OSBPL10: variants seen among roughly 807,000 people sequenced by gnomAD.
OSBPL10 encodes the protein oxysterol-binding protein-related protein 10.
A neutral mutation model predicts 81.7 loss-of-function variants in OSBPL10; 49 were observed. That is an observed-to-expected ratio of 0.60 (90% confidence interval 0.48 to 0.76). OSBPL10 has a LOEUF of 0.76. Among genes scored for constraint, OSBPL10 ranks in the 30% least tolerant of loss-of-function variants. The pLI is 0.00. For synonymous variants in OSBPL10, 419 were observed against 383.6 expected (o/e 1.09, Z -1.08); for missense variants, 923 against 987.8 (o/e 0.93, Z 0.88).
intron 4 of OSBPL10, among the ~76,000 whole-genome samples, chr3:31,773,861 T>C (rs1406905229): frequency 6.6e-6 from 1 of 152,188 alleles, no homozygotes; most frequent in East Asian, 1.9e-4. Context: ...TAATCTTTCA[T>C]ACATTACAAA....
intron 4 of OSBPL10, among the ~76,000 whole-genome samples, chr3:31,812,347 T>A (rs979188824): frequency 6.6e-6 from 1 of 152,220 alleles, no homozygotes. Context: ...CAGGTTATTA[T>A]AACAGATAAT....
At chr3:31,714,461 G>A (rs1696367938) in intron 6 of OSBPL10, among the ~76,000 whole-genome samples, 1 of 152,168 alleles carries the variant, frequency 6.6e-6, no homozygotes. Flanking sequence ...AGGCAGCGGG[G>A]TGGAGTGAGA....
At chr3:31,730,726 G>C (rs1255140250) in intron 6 of OSBPL10, among the ~76,000 whole-genome samples, 3 of 152,180 alleles carry the variant, frequency 2.0e-5, no homozygotes, top group Non-Finnish European at 4.4e-5. Context: ...AACAGACTAA[G>C]CTTCAAAATG....
chr3:31,887,967 G>A (rs1180460698), intron 1 of OSBPL10, among the ~76,000 whole-genome samples: 3 of 152,030 alleles, frequency 2.0e-5, no homozygotes, highest in African/African-American at 7.3e-5. Flanking sequence ...ACACACCCCA[G>A]GTGGTACTAA....
chr3:31,953,877 AGAG>A (rs1309984835), intron 1 of OSBPL10, among the ~76,000 whole-genome samples: 2 of 152,224 alleles, frequency 1.3e-5, no homozygotes, highest in Non-Finnish European at 2.9e-5. Flanking sequence ...GAGAAATGAA[AGAG>A]GAGGAGAGAA....
At chr3:31,702,247 C>T (rs1695917669) in intron 7 of OSBPL10, 112 bp downstream of exon 7, 1 of 1,298,602 alleles carries the variant, frequency 7.7e-7, no homozygotes, top group African/African-American at 1.5e-5. Flanking sequence ...CCTTTTTCCC[C>T]ACTCTTCTTC....
intron 2 of OSBPL10, chr3:31,989,858 G>C: frequency 6.2e-7 from 1 of 1,614,174 alleles, no homozygotes; most frequent in South Asian, 1.1e-5. Flanking sequence ...CAATATAAAT[G>C]TGATGTATGT....
chr3:32,041,154 G>A (rs1334205811), intron 2 of OSBPL10, among the ~76,000 whole-genome samples: 1 of 152,118 alleles, frequency 6.6e-6, no homozygotes, highest in African/African-American at 2.4e-5. Flanking sequence ...TAGAGACAGT[G>A]TCAAGAGAAA....
intron 6 of OSBPL10, among the ~76,000 whole-genome samples, chr3:31,716,780 C>T (rs1250304330): frequency 6.6e-6 from 1 of 152,180 alleles, no homozygotes; most frequent in Non-Finnish European, 1.5e-5. Flanking sequence ...CCAGAAATTT[C>T]ATTTGATGAC....
intron 1 of OSBPL10, among the ~76,000 whole-genome samples, chr3:31,958,761 G>A (rs1211032660): frequency 6.6e-6 from 1 of 152,130 alleles, no homozygotes; most frequent in Non-Finnish European, 1.5e-5. Flanking sequence ...ACAGGCCTTT[G>A]AGCCAAATCC....
At chr3:31,844,031 A>G (rs1393051367) in intron 3 of OSBPL10, among the ~76,000 whole-genome samples, 1 of 152,192 alleles carries the variant, frequency 6.6e-6, no homozygotes, top group South Asian at 2.1e-4. Context: ...TAGTACAAAG[A>G]TTGTTTTTCC....
At chr3:32,019,873 G>A (rs149056906) in intron 2 of OSBPL10, among the ~76,000 whole-genome samples, 1 of 152,234 alleles carries the variant, frequency 6.6e-6, no homozygotes, top group East Asian at 1.9e-4. Flanking sequence ...CTACTACACT[G>A]GAACATATAA....
intron 3 of OSBPL10, among the ~76,000 whole-genome samples, chr3:31,841,600 A>T (rs1477175958): frequency 7.9e-5 from 12 of 152,240 alleles, no homozygotes; most frequent in Admixed American, 3.9e-4. Context: ...GAAAAGCTGT[A>T]GTAGATGCTT....
chr3:31,811,000 C>A (rs375029649), intron 4 of OSBPL10, among the ~76,000 whole-genome samples: 1 of 152,108 alleles, frequency 6.6e-6, no homozygotes, highest in Non-Finnish European at 1.5e-5. Flanking sequence ...TTCCAGGTGT[C>A]GAGGAGGTCA....
chr3:31,845,620 C>T (rs1016031741), intron 3 of OSBPL10, among the ~76,000 whole-genome samples: 6 of 152,164 alleles, frequency 3.9e-5, no homozygotes, highest in Non-Finnish European at 8.8e-5. Context: ...CAGTAAGAAG[C>T]GGTTCTGTGT....
At chr3:31,996,359 C>T (rs535193236) in intron 2 of OSBPL10, among the ~76,000 whole-genome samples, 45 of 152,280 alleles carry the variant, frequency 3.0e-4, no homozygotes, top group African/African-American at 1.0e-3. Context: ...AAACTCTCCC[C>T]CCCGTGCAAG....
chr3:31,886,032 GAGA>G (rs1695728064), intron 1 of OSBPL10, among the ~76,000 whole-genome samples: 1 of 137,318 alleles, frequency 7.3e-6, no homozygotes, highest in African/African-American at 2.6e-5. Context: ...AGAAAGAAAG[GAGA>G]AGGAGATGGG....
chr3:31,857,884 GAGAGAGAGAGAA>G (rs1241757649), intron 3 of OSBPL10, among the ~76,000 whole-genome samples: 3 of 137,338 alleles, frequency 2.2e-5, no homozygotes, highest in African/African-American at 7.9e-5. Context: ...GAAAGGGGGG[GAGAGAGAGAGAA>G]AGAGAGAGAG....
At chr3:31,859,495 G>A (rs1437262996) in intron 3 of OSBPL10, among the ~76,000 whole-genome samples, 1 of 152,226 alleles carries the variant, frequency 6.6e-6, no homozygotes, top group Non-Finnish European at 1.5e-5. Flanking sequence ...CTCCAGCCAT[G>A]CAGGTTGTTC....
Sources: allele counts gnomAD v4.1 joint callset (sites outside exome capture counted in the v4.1 genomes callset), GRCh38; gene constraint gnomAD v4.1.1; transcripts MANE v1.5; gene names NCBI Gene and HGNC (gene_info 2026-07-23, HGNC 2026-07-21).